OSBPL6: variants seen among roughly 807,000 people sequenced by gnomAD.
OSBPL6 encodes oxysterol binding protein like 6, also known as oxysterol-binding protein-related protein 6.
In OSBPL6, 49 loss-of-function variants were observed where a neutral mutation model predicts 125.8. The observed-to-expected ratio is 0.39, with a 90% CI of 0.31 to 0.49. The LOEUF (loss-of-function observed/expected upper bound fraction) is 0.49. Ranked by LOEUF, OSBPL6 falls within the 20% of genes least tolerant of loss-of-function variation. The pLI, the probability that OSBPL6 is intolerant of heterozygous loss-of-function variation, is 0.88. For synonymous variants in OSBPL6, 394 were observed against 391.8 expected (o/e 1.01, Z -0.07); for missense variants, 986 against 1,135.4 (o/e 0.87, Z 1.89).
chr2:178,377,969 C>T (rs990945597), intron 15 of OSBPL6, among the ~76,000 whole-genome samples: 1 of 152,174 alleles, frequency 6.6e-6, no homozygotes, highest in Admixed American at 6.5e-5. Flanking sequence ...GCTGGGATTA[C>T]AGGCATGCAC....
chr2:178,199,728 A>G (rs1430575462), intron 1 of OSBPL6, among the ~76,000 whole-genome samples: 1 of 152,090 alleles, frequency 6.6e-6, no homozygotes, highest in Non-Finnish European at 1.5e-5. Flanking sequence ...GTAAGTGTTG[A>G]TAAATATACA....
intron 1 of OSBPL6, among the ~76,000 whole-genome samples, chr2:178,218,086 A>T (rs1336723190): frequency 6.6e-6 from 1 of 152,134 alleles, no homozygotes; most frequent in African/African-American, 2.4e-5. Flanking sequence ...TTTAAAATAA[A>T]TTTTTTAAGG....
chr2:178,352,607 A>G (rs1691379240), intron 12 of OSBPL6, among the ~76,000 whole-genome samples: 1 of 152,210 alleles, frequency 6.6e-6, no homozygotes, highest in African/African-American at 2.4e-5. Flanking sequence ...GGCAGAGCCC[A>G]CTGCAGCTCA....
rs142758085 is a variant in OSBPL6 at position 178,213,560 on chromosome 2, A to C, written c.-351+18886A>C. Among the ~76,000 whole-genome samples the C allele has an allele frequency of 1.8e-4, 27 of 152,194 alleles. No individual in the cohort carries two copies. The East Asian group carries it at 3.9e-3, about 22-fold the overall frequency. ...TCCTAGACTGTAACAGAAGCCTTGCAACTGGTCTCCATCAATCCAATTTGC... is the reference window on the plus strand; with the variant it reads ...TCCTAGACTGTAACAGAAGCCTTGCCACTGGTCTCCATCAATCCAATTTGC... On this transcript the variant is annotated intron_variant, in intron 1 of 24. Coordinates refer to ENST00000190611, the MANE Select transcript of OSBPL6 (RefSeq NM_032523.4).
At chr2:178,298,986 C>A (rs1041883330) in intron 2 of OSBPL6, among the ~76,000 whole-genome samples, 3 of 152,110 alleles carry the variant, frequency 2.0e-5, no homozygotes, top group African/African-American at 4.8e-5. Context: ...CAAAGTAGGG[C>A]AAAATATTTT....
At chr2:178,388,497 A>G (rs1411844247) in intron 20 of OSBPL6, among the ~76,000 whole-genome samples, 2 of 152,120 alleles carry the variant, frequency 1.3e-5, no homozygotes, top group South Asian at 2.1e-4. Flanking sequence ...ACTCACCTGG[A>G]GCACAGCATT....
chr2:178,315,847 G>A (rs1687686371), intron 3 of OSBPL6, among the ~76,000 whole-genome samples: 1 of 152,140 alleles, frequency 6.6e-6, no homozygotes, highest in South Asian at 2.1e-4. Context: ...CCAGGAGACT[G>A]TTATTCACTC....
intron 1 of OSBPL6, among the ~76,000 whole-genome samples, chr2:178,249,346 A>G (rs2091603608): frequency 6.6e-6 from 1 of 152,220 alleles, no homozygotes; most frequent in Non-Finnish European, 1.5e-5. Flanking sequence ...TCATCTATGT[A>G]TGGCACGGTG....
At chr2:178,197,636 T>G (rs2088981814) in intron 1 of OSBPL6, among the ~76,000 whole-genome samples, 1 of 152,206 alleles carries the variant, frequency 6.6e-6, no homozygotes, top group African/African-American at 2.4e-5. Context: ...ACAGAACAAT[T>G]ATTAACACTA....
intron 12 of OSBPL6, among the ~76,000 whole-genome samples, chr2:178,349,884 T>G (rs751162826): frequency 6.6e-5 from 10 of 152,194 alleles, no homozygotes; most frequent in African/African-American, 7.2e-5. Context: ...TGAGCTGGGC[T>G]GAAAGACGCA....
intron 3 of OSBPL6, among the ~76,000 whole-genome samples, chr2:178,319,908 T>C (rs2154070048): frequency 6.6e-6 from 1 of 152,366 alleles, no homozygotes. Flanking sequence ...CTAAGATAGT[T>C]AGGTGAACAA....
chr2:178,388,704 G>A (rs1695154774), intron 20 of OSBPL6, among the ~76,000 whole-genome samples: 1 of 152,154 alleles, frequency 6.6e-6, no homozygotes, highest in Non-Finnish European at 1.5e-5. Flanking sequence ...CCGATGATAT[G>A]CATATTTTAA....
In OSBPL6 at chr2:178,372,121, T is replaced by C; in HGVS notation, c.1288-5T>C. ...AATTACATATGTGGTTTTTGTTATTTTAAGGCACTCAACCAGAATGCTGAA... is the reference window on the plus strand; with the variant it reads ...AATTACATATGTGGTTTTTGTTATTCTAAGGCACTCAACCAGAATGCTGAA... On this transcript the variant is annotated splice_polypyrimidine_tract_variant and splice_region_variant and intron_variant, in intron 13 of 24. Coordinates refer to ENST00000190611, the MANE Select transcript of OSBPL6 (RefSeq NM_032523.4). 6.2e-7 allele frequency: 1 copy of C among 1,607,208 alleles called. No individual in the cohort carries two copies. The highest frequency in any genetic ancestry group is 8.5e-7 in the Non-Finnish European group (1 of 1,175,762).
intron 1 of OSBPL6, among the ~76,000 whole-genome samples, chr2:178,228,293 T>C (rs1199716597): frequency 6.6e-6 from 1 of 152,216 alleles, no homozygotes; most frequent in Non-Finnish European, 1.5e-5. Context: ...CCCAGCACTT[T>C]GGGAGGCCAA....
chr2:178,282,960 G>A (rs1684352454), intron 1 of OSBPL6, among the ~76,000 whole-genome samples: 1 of 152,070 alleles, frequency 6.6e-6, no homozygotes, highest in Non-Finnish European at 1.5e-5. Context: ...GCCTGCTAGG[G>A]GAGTTTCTAT....
At chr2:178,322,696 A>G (rs1265670987) in intron 3 of OSBPL6, among the ~76,000 whole-genome samples, 1 of 152,170 alleles carries the variant, frequency 6.6e-6, no homozygotes, top group African/African-American at 2.4e-5. Flanking sequence ...ACTTGCTACT[A>G]AAGTGTGTAA....
At position 178,395,808 on chromosome 2, in the gene OSBPL6, C is replaced by T. The variant is rs545624321; in HGVS notation, c.*249C>T. 3.7e-5 allele frequency: 17 copies of T among 463,034 alleles called. No homozygotes were observed. Among genetic ancestry groups the T allele is most frequent in the Non-Finnish European group, 6.1e-5 (15 of 247,800 alleles). The allele number at this position is 463,034 out of a possible 1,614,324, so 28.7% of individuals were successfully genotyped here. ...AAAAAAAAAAAAAAAAAATCCACAC[C>T]GTCCTTGGAAAGCAGAATAAAAGGA... On this transcript the variant is annotated 3_prime_UTR_variant, in exon 25 of 25. Coordinates refer to ENST00000190611, the MANE Select transcript of OSBPL6 (RefSeq NM_032523.4).
At chr2:178,394,081 T>C (rs555822675) in intron 23 of OSBPL6, among the ~76,000 whole-genome samples, 2 of 152,286 alleles carry the variant, frequency 1.3e-5, no homozygotes, top group Admixed American at 1.3e-4. Context: ...ATATTGCTGA[T>C]TATAATAATT....
intron 1 of OSBPL6, among the ~76,000 whole-genome samples, chr2:178,228,055 A>G (rs1181631931): frequency 6.6e-6 from 1 of 152,222 alleles, no homozygotes; most frequent in East Asian, 1.9e-4. Flanking sequence ...GGACAAGTGG[A>G]AAAGAAAGAG....
Sources: allele counts gnomAD v4.1 joint callset (sites outside exome capture counted in the v4.1 genomes callset), GRCh38; gene constraint gnomAD v4.1.1; transcripts MANE v1.5; gene names NCBI Gene and HGNC (gene_info 2026-07-23, HGNC 2026-07-21).